Variants in LRRC4C observed in about 807,000 individuals in gnomAD.
The protein encoded by LRRC4C is leucine-rich repeat-containing protein 4C.
In LRRC4C, 5 loss-of-function variants were observed where a neutral mutation model predicts 33.6. The ratio of observed to expected loss-of-function variants is 0.15; its 90% confidence interval spans 0.08 to 0.31. The LOEUF (loss-of-function observed/expected upper bound fraction) is 0.31, where lower values mean the gene tolerates loss of function less well. Ranked by LOEUF, LRRC4C falls within the 10% of genes least tolerant of loss-of-function variation. The pLI, the probability that LRRC4C is intolerant of heterozygous loss-of-function variation, is 1.00. For synonymous variants in LRRC4C, 329 were observed against 302.0 expected (o/e 1.09, Z -0.93); for missense variants, 560 against 796.7 (o/e 0.70, Z 3.58).
chr11:40,118,821 T>C (rs2134629907), intron 6 of LRRC4C, among the ~76,000 whole-genome samples: 1 of 152,232 alleles, frequency 6.6e-6, no homozygotes, highest in African/African-American at 2.4e-5. Context: ...GCAGGCAACA[T>C]GTTTTGTTTT....
intron 3 of LRRC4C, among the ~76,000 whole-genome samples, chr11:40,388,140 C>G (rs932073425): frequency 6.6e-6 from 1 of 152,100 alleles, no homozygotes; most frequent in Non-Finnish European, 1.5e-5. Context: ...ATTTAACCTT[C>G]GTTTGGAAAG....
At chr11:40,709,154 A>G (rs1368672089) in intron 2 of LRRC4C, among the ~76,000 whole-genome samples, 1 of 152,070 alleles carries the variant, frequency 6.6e-6, no homozygotes, top group East Asian at 1.9e-4. Context: ...TTGACTGTTT[A>G]TCCAATTTGC....
At chr11:40,950,295 AC>A (rs1958636270) in intron 1 of LRRC4C, among the ~76,000 whole-genome samples, 1 of 152,116 alleles carries the variant, frequency 6.6e-6, no homozygotes, top group African/African-American at 2.4e-5. Flanking sequence ...GTTCTAGGAA[AC>A]TGGCAACATG....
chr11:41,015,813 C>T (rs1308446594), intron 1 of LRRC4C, among the ~76,000 whole-genome samples: 2 of 152,050 alleles, frequency 1.3e-5, no homozygotes, highest in Non-Finnish European at 1.5e-5. Flanking sequence ...CATACATGGA[C>T]CTGGAGTATC....
At chr11:40,451,045 C>CTA (rs968921222) in intron 3 of LRRC4C, among the ~76,000 whole-genome samples, 1 of 150,866 alleles carries the variant, frequency 6.6e-6, no homozygotes, top group African/African-American at 2.5e-5. Context: ...GTAACTCTCT[C>CTA]TATATATATG....
intron 1 of LRRC4C, among the ~76,000 whole-genome samples, chr11:40,963,332 T>G (rs1851099960): frequency 6.6e-6 from 1 of 151,808 alleles, no homozygotes; most frequent in African/African-American, 2.4e-5. Flanking sequence ...AGACTGAGTA[T>G]GTACTGAGCT....
intron 1 of LRRC4C, among the ~76,000 whole-genome samples, chr11:41,156,750 C>T (rs954981546): frequency 2.0e-5 from 3 of 151,838 alleles, no homozygotes; most frequent in African/African-American, 7.3e-5. Flanking sequence ...AATATGATAA[C>T]TGAGGTGAGC....
chr11:40,436,011 T>A (rs746150015), intron 3 of LRRC4C, among the ~76,000 whole-genome samples: 3 of 152,182 alleles, frequency 2.0e-5, no homozygotes, highest in Non-Finnish European at 4.4e-5. Flanking sequence ...CCTGAAACAT[T>A]TTTTCCTCTA....
intron 1 of LRRC4C, among the ~76,000 whole-genome samples, chr11:41,259,493 T>A (rs982236237): frequency 1.3e-5 from 2 of 152,174 alleles, no homozygotes; most frequent in East Asian, 3.9e-4. Context: ...GGAATACAAG[T>A]ATTCCTTATT....
intron 4 of LRRC4C, among the ~76,000 whole-genome samples, chr11:40,296,623 A>T (rs1227187426): frequency 2.6e-5 from 4 of 152,192 alleles, no homozygotes; most frequent in Non-Finnish European, 5.9e-5. Context: ...GGATGGCAAT[A>T]CCACATTTGT....
At chr11:41,141,513 C>T (rs1031686791) in intron 1 of LRRC4C, among the ~76,000 whole-genome samples, 2 of 152,132 alleles carry the variant, frequency 1.3e-5, no homozygotes, top group Non-Finnish European at 2.9e-5. Flanking sequence ...TCTATGTCCC[C>T]ACCCAAATCT....
intron 2 of LRRC4C, among the ~76,000 whole-genome samples, chr11:40,734,684 A>G (rs138693306): frequency 6.3e-4 from 96 of 152,328 alleles, no homozygotes; most frequent in Middle Eastern, 3.4e-3. Flanking sequence ...TTCTTTGAAT[A>G]AAGAAACATA....
chr11:40,544,040 C>T (rs998971013), intron 3 of LRRC4C, among the ~76,000 whole-genome samples: 2 of 151,978 alleles, frequency 1.3e-5, no homozygotes, highest in Non-Finnish European at 2.9e-5. Flanking sequence ...AGCCTGCTAG[C>T]CTCAAGTTTA....
At chr11:40,369,144 T>C (rs2137242372) in intron 3 of LRRC4C, among the ~76,000 whole-genome samples, 1 of 149,298 alleles carries the variant, frequency 6.7e-6, no homozygotes, top group African/African-American at 2.5e-5. Context: ...GTGGACACAG[T>C]CACAGAGAGG....
intron 1 of LRRC4C, among the ~76,000 whole-genome samples, chr11:41,252,062 T>C (rs1482436355): frequency 6.6e-6 from 1 of 151,948 alleles, no homozygotes; most frequent in Non-Finnish European, 1.5e-5. Context: ...TCTTTTAAGG[T>C]TGTAAGATGT....
At chr11:41,398,868 T>C (rs370407890) in intron 1 of LRRC4C, among the ~76,000 whole-genome samples, 73 of 151,886 alleles carry the variant, frequency 4.8e-4, no homozygotes, top group African/African-American at 1.7e-3. Context: ...AGGGAAGTTG[T>C]GTAGAAGGAC....
At chr11:40,886,954 GTGTGTATATATATACATATA>G (rs2136073581) in intron 2 of LRRC4C, among the ~76,000 whole-genome samples, 1 of 138,380 alleles carries the variant, frequency 7.2e-6, no homozygotes, top group South Asian at 2.3e-4. Flanking sequence ...ATATACACGT[GTGTGTATATATATACATATA>G]TATATATACG....
chr11:40,382,021 A>G (rs1033012089), intron 3 of LRRC4C, among the ~76,000 whole-genome samples: 12 of 141,334 alleles, frequency 8.5e-5, no homozygotes, highest in African/African-American at 3.1e-4. Flanking sequence ...CAGTGGTGCA[A>G]TCTCGGCTCA....
chr11:41,101,283 C>T (rs1226176647), intron 1 of LRRC4C, among the ~76,000 whole-genome samples: 17 of 151,846 alleles, frequency 1.1e-4, no homozygotes, highest in Admixed American at 1.1e-3. Context: ...CAAAGTCCAG[C>T]ATCTATAAGG....
Sources: allele counts gnomAD v4.1 joint callset (sites outside exome capture counted in the v4.1 genomes callset), GRCh38; gene constraint gnomAD v4.1.1; transcripts MANE v1.5; gene names NCBI Gene and HGNC (gene_info 2026-07-23, HGNC 2026-07-21).